PAX5: variants seen among roughly 807,000 people sequenced by gnomAD.
PAX5 encodes the protein paired box 5, also known as paired box protein Pax-5.
Under a neutral mutation model 43.7 loss-of-function variants are expected in PAX5, and 9 were observed. The ratio of observed to expected loss-of-function variants is 0.21; its 90% confidence interval spans 0.12 to 0.36. PAX5 has a LOEUF of 0.36. PAX5 is among the 10% of genes least tolerant of loss of function. The pLI is 1.00. For missense variants in PAX5, 383 were observed against 532.7 expected (o/e 0.72, Z 2.77); for synonymous variants, 228 against 214.3 (o/e 1.06, Z -0.56).
At chr9:36,927,933 C>T (rs1244350666) in intron 6 of PAX5, among the ~76,000 whole-genome samples, 2 of 152,206 alleles carry the variant, frequency 1.3e-5, no homozygotes, top group African/African-American at 2.4e-5. Flanking sequence ...TGGTCTTGAA[C>T]TTCTGGCTTC....
intron 7 of PAX5, among the ~76,000 whole-genome samples, chr9:36,889,187 C>T (rs202205981): frequency 6.9e-6 from 1 of 144,612 alleles, no homozygotes; most frequent in Non-Finnish European, 1.5e-5. Flanking sequence ...CCTTGGAGTT[C>T]CCACAAGCCA....
chr9:36,998,763 C>T (rs907368303), intron 5 of PAX5, among the ~76,000 whole-genome samples: 1 of 152,126 alleles, frequency 6.6e-6, no homozygotes, highest in Non-Finnish European at 1.5e-5. Context: ...CGTTTCGCAT[C>T]CAAATTGAGA....
intron 5 of PAX5, among the ~76,000 whole-genome samples, chr9:36,969,444 G>A (rs977036753): frequency 6.6e-6 from 1 of 152,222 alleles, no homozygotes; most frequent in South Asian, 2.1e-4. Flanking sequence ...GGGCCCCTGG[G>A]GGCAAGGTCA....
intron 5 of PAX5, among the ~76,000 whole-genome samples, chr9:36,974,078 G>A (rs1441091085): frequency 3.9e-5 from 6 of 152,162 alleles, no homozygotes; most frequent in Admixed American, 3.9e-4. Flanking sequence ...TACTTGAGAG[G>A]TTGAGGCAAG....
At chr9:36,858,321 G>C (rs980427884) in intron 8 of PAX5, among the ~76,000 whole-genome samples, 1 of 152,046 alleles carries the variant, frequency 6.6e-6, no homozygotes, top group Non-Finnish European at 1.5e-5. Flanking sequence ...TTCAACAAAT[G>C]CCTAAAATTC....
intron 8 of PAX5, among the ~76,000 whole-genome samples, chr9:36,878,673 C>G (rs979850282): frequency 6.6e-6 from 1 of 152,210 alleles, no homozygotes; most frequent in Non-Finnish European, 1.5e-5. Flanking sequence ...GCCCAGGGCC[C>G]CTGCTCTGCC....
Position 37,002,702 on chromosome 9 carries a change from T to A in PAX5, c.550A>T (p.Ile184Phe), listed in dbSNP as rs1012412970. The A allele has an allele frequency of 6.2e-7, 1 of 1,611,206 alleles. No homozygotes were observed. Among genetic ancestry groups the A allele is most frequent in the Non-Finnish European group, 8.5e-7 (1 of 1,179,100 alleles). ...GCGCTGGGGGACGTGATGCCCAGGA[T>A]GCCGCTGATGGAGTACGACGAGCCG... Reference protein sequence around the residue: ...SAGSSYSISGILGITSPSADT... With the variant: ...SAGSSYSISGFLGITSPSADT... Residue 184 changes from isoleucine (I) to phenylalanine (F), a missense_variant, in exon 5 of 10, where the codon ATC (isoleucine) becomes TTC (phenylalanine). Around this residue, in one of 5 missense-constraint regions of PAX5, gnomAD observed 291 missense variants for 342.5 expected, o/e 0.85. Coordinates refer to ENST00000358127, the MANE Select transcript of PAX5 (RefSeq NM_016734.3).
rs551926536 is a variant in PAX5 at position 36,866,934 on chromosome 9, C to T, written c.1012+15070G>A. Among the ~76,000 whole-genome samples the T allele has an allele frequency of 9.2e-5, 14 of 152,246 alleles. No homozygotes were observed. In the East Asian group the frequency reaches 2.5e-3, roughly 27 times the overall value. ...AGGGCTAACAGCCTTCAAAGCTTCTCCTGCAGAGCAGATTTCTCCAAAGCC... is the reference window on the plus strand; with the variant it reads ...AGGGCTAACAGCCTTCAAAGCTTCTTCTGCAGAGCAGATTTCTCCAAAGCC... On this transcript the variant is annotated intron_variant, in intron 8 of 9. Coordinates refer to ENST00000358127, the MANE Select transcript of PAX5 (RefSeq NM_016734.3).
chr9:37,004,469 G>A (rs1257011231), intron 4 of PAX5, among the ~76,000 whole-genome samples: 1 of 152,224 alleles, frequency 6.6e-6, no homozygotes, highest in East Asian at 1.9e-4. Context: ...AGAAATGGTG[G>A]TGACTGCCTG....
intron 1 of PAX5, among the ~76,000 whole-genome samples, chr9:37,033,246 A>G (rs778819600): frequency 5.3e-5 from 8 of 152,212 alleles, no homozygotes; most frequent in South Asian, 2.1e-4. Context: ...CTATCTCCCA[A>G]TAGAATGGAC....
intron 9 of PAX5, 53 bp downstream of exon 9, chr9:36,846,790 G>T: frequency 7.5e-7 from 1 of 1,338,294 alleles, no homozygotes; most frequent in Non-Finnish European, 1.1e-6. Flanking sequence ...GAGGAGGCCT[G>T]GATGGGGTAG....
intron 7 of PAX5, among the ~76,000 whole-genome samples, chr9:36,899,647 G>A (rs558017018): frequency 1.3e-5 from 2 of 152,194 alleles, no homozygotes; most frequent in Middle Eastern, 6.8e-3. Flanking sequence ...GGAAATGCCT[G>A]CCAGCCAACC....
chr9:36,883,251 C>A (rs191833399), intron 7 of PAX5, among the ~76,000 whole-genome samples: 1 of 152,202 alleles, frequency 6.6e-6, no homozygotes, highest in African/African-American at 2.4e-5. Context: ...TGCTGTTACA[C>A]ATGCTTTAAA....
chr9:36,967,162 G>T (rs1363533022), intron 5 of PAX5, among the ~76,000 whole-genome samples: 1 of 152,084 alleles, frequency 6.6e-6, no homozygotes, highest in Non-Finnish European at 1.5e-5. Flanking sequence ...CAGAGTTGAG[G>T]TCCTTACCCT....
intron 6 of PAX5, among the ~76,000 whole-genome samples, chr9:36,950,232 T>C (rs1832884556): frequency 6.6e-6 from 1 of 152,374 alleles, no homozygotes; most frequent in African/African-American, 2.4e-5. Context: ...TCTGTTGCCC[T>C]GACCCAAGAA....
chr9:37,003,459 T>C (rs1405261714), intron 4 of PAX5, among the ~76,000 whole-genome samples: 1 of 152,134 alleles, frequency 6.6e-6, no homozygotes, highest in African/African-American at 2.4e-5. Flanking sequence ...CTGAGAACAA[T>C]CTTAGAAGCT....
intron 8 of PAX5, among the ~76,000 whole-genome samples, chr9:36,877,325 T>A (rs1456752245): frequency 6.6e-6 from 1 of 151,782 alleles, no homozygotes; most frequent in African/African-American, 2.4e-5. Flanking sequence ...ACGGCCAGAG[T>A]GAGACCATGC....
chr9:37,028,463 C>T (rs1564094725), intron 1 of PAX5, among the ~76,000 whole-genome samples: 1 of 152,218 alleles, frequency 6.6e-6, no homozygotes, highest in Non-Finnish European at 1.5e-5. Flanking sequence ...GAATATCTCA[C>T]ACTCCTTTAA....
intron 6 of PAX5, among the ~76,000 whole-genome samples, chr9:36,936,552 G>A (rs552671543): frequency 1.3e-5 from 2 of 152,178 alleles, no homozygotes; most frequent in Non-Finnish European, 2.9e-5. Flanking sequence ...GCCTGAATGA[G>A]GGGTCCAAAG....
Sources: allele counts gnomAD v4.1 joint callset (sites outside exome capture counted in the v4.1 genomes callset), GRCh38; gene constraint gnomAD v4.1.1; regional missense constraint gnomAD v4.1.1; transcripts MANE v1.5; gene names NCBI Gene and HGNC (gene_info 2026-07-23, HGNC 2026-07-21).